Variants in TIPIN observed in about 807,000 individuals in gnomAD.
The protein encoded by TIPIN is TIMELESS interacting protein.
Under a neutral mutation model 35.6 loss-of-function variants are expected in TIPIN, and 29 were observed. The ratio of observed to expected loss-of-function variants is 0.82; its 90% CI spans 0.61 to 1.11. The LOEUF is 1.11. Among genes scored for constraint, TIPIN ranks in the 50% most tolerant of loss-of-function variants. TIPIN has a pLI of 0.00. For missense variants in TIPIN, 296 were observed against 345.4 expected, an observed-to-expected ratio of 0.86 and a Z score of 1.13; for synonymous variants, 102 against 121.5, an observed-to-expected ratio of 0.84 and a Z score of 1.06.
At chr15:66,337,597 C>T (rs1347350750) in intron 7 of TIPIN, among the ~76,000 whole-genome samples, 2 of 151,966 alleles carry the variant, frequency 1.3e-5, no homozygotes, top group East Asian at 3.9e-4. Flanking sequence ...CCTGGGATTA[C>T]AGGCGTGAGC....
At chr15:66,379,907 G>GAA in intron 1 of TIPIN, 1 of 1,525,890 alleles carries the variant, frequency 6.6e-7, no homozygotes. Flanking sequence ...TAATGAGAAT[G>GAA]GTCTTCACTC....
At chr15:66,340,171 CTTTTTTTTTTTTTT>C (rs1213707475) in intron 7 of TIPIN, among the ~76,000 whole-genome samples, 1 of 69,574 alleles carries the variant, frequency 1.4e-5, no homozygotes, top group Non-Finnish European at 2.7e-5. Flanking sequence ...TGCGCCTGGC[CTTTTTTTTTTTTTT>C]TTTTTTTTTG....
chr15:66,358,621 G>A (rs2093217604), upstream of TIPIN, among the ~76,000 whole-genome samples: 1 of 151,996 alleles, frequency 6.6e-6, no homozygotes, highest in East Asian at 1.9e-4. Context: ...TCGCCATGTT[G>A]CCCAGGCTGG....
intron 6 of TIPIN, chr15:66,347,366 T>C (rs780276184): frequency 3.3e-5 from 16 of 478,614 alleles, no homozygotes; most frequent in South Asian, 1.8e-4. Flanking sequence ...AAGTCCTATA[T>C]CCGAGAGCTG....
chr15:66,373,002 T>C (rs2093282998), intron 1 of TIPIN, among the ~76,000 whole-genome samples: 1 of 152,188 alleles, frequency 6.6e-6, no homozygotes, highest in Non-Finnish European at 1.5e-5. Flanking sequence ...CACTATTCAG[T>C]ACAGTAATGT....
chr15:66,383,923 C>G (rs1360857781), intron 1 of TIPIN, among the ~76,000 whole-genome samples: 2 of 152,150 alleles, frequency 1.3e-5, no homozygotes, highest in Non-Finnish European at 2.9e-5. Flanking sequence ...AACCATTTTA[C>G]TATCTATATA....
intron 1 of TIPIN, among the ~76,000 whole-genome samples, chr15:66,362,865 G>C (rs1455230244): frequency 6.6e-6 from 1 of 152,160 alleles, no homozygotes; most frequent in Non-Finnish European, 1.5e-5. Flanking sequence ...TTTATCACTT[G>C]TGTAAGTGCT....
rs576111763 is a variant in TIPIN, at chr15:66,367,136, C to T, written c.-8-14181G>A. Among the ~76,000 whole-genome samples, 116 of 151,438 alleles carry T rather than the reference C, an allele frequency of 7.7e-4. 1 individual carries two copies. Among genetic ancestry groups the T allele is most frequent in the African/African-American group, 2.5e-3 (105 of 41,354 alleles). Reference sequence around the variant, plus strand: ...CAGAGGTTGCAATGAACCAAGATCGCGCCACTGCACTCCAGCCTGGGCAAC... The same window carrying T: ...CAGAGGTTGCAATGAACCAAGATCGTGCCACTGCACTCCAGCCTGGGCAAC... On this transcript the variant is annotated intron_variant, in intron 1 of 7. Transcript: ENST00000562124.
chr15:66,385,355 CACTT>C (rs1484166498), intron 1 of TIPIN, among the ~76,000 whole-genome samples: 2 of 152,172 alleles, frequency 1.3e-5, no homozygotes, highest in African/African-American at 4.8e-5. Flanking sequence ...ATGTCTTTGA[CACTT>C]AGTATTTTAG....
intron 1 of TIPIN, chr15:66,371,107 A>G: frequency 2.4e-6 from 1 of 420,016 alleles, no homozygotes; most frequent in Non-Finnish European, 3.2e-6. Flanking sequence ...GCTACTCGGA[A>G]GGCTGAGGCA....
chr15:66,379,997 TC>T (rs550774708), intron 1 of TIPIN: 732 of 456,932 alleles, frequency 1.6e-3, no homozygotes, highest in Middle Eastern at 2.0e-3. Flanking sequence ...TTTCTTTCTT[TC>T]TTTCTTTTTT....
chr15:66,342,186 CAAAA>C (rs55711983), intron 6 of TIPIN, among the ~76,000 whole-genome samples: 72 of 108,512 alleles, frequency 6.6e-4, no homozygotes, highest in Non-Finnish European at 1.0e-3. Context: ...AAGACTGTCT[CAAAA>C]AAAAAAAAAA....
rs769981626 is a variant in TIPIN at position 66,341,280 on chromosome 15, A to C, written c.552T>G (p.Ser184Arg). ...TACTTAACTCAGAAGCAAACATCTC[A>C]CTTTCAGATAAGTTTGTCAGAAAGG... ...LDPFLTNLSE[S>R]EMFASELSRS... Residue 184 changes from serine (S) to arginine (R), a missense_variant, in exon 7 of 8, where the codon AGT becomes AGG. Coordinates refer to ENST00000261881, the MANE Select transcript of TIPIN (RefSeq NM_017858.3). 4 of 1,613,912 alleles carry C rather than the reference A, an allele frequency of 2.5e-6. No homozygotes were observed. In the South Asian group the frequency reaches 4.4e-5, roughly 18 times the overall value.
chr15:66,339,981 T>A (rs1224458004), intron 7 of TIPIN, among the ~76,000 whole-genome samples: 1 of 151,368 alleles, frequency 6.6e-6, no homozygotes, highest in African/African-American at 2.4e-5. Flanking sequence ...GCGATTCTCC[T>A]GCCTCAGCCT....
intron 1 of TIPIN, among the ~76,000 whole-genome samples, chr15:66,354,639 T>C (rs544596205): frequency 6.6e-6 from 1 of 152,326 alleles, no homozygotes; most frequent in South Asian, 2.1e-4. Flanking sequence ...ATCCAGCCTC[T>C]TACTACCTCA....
intron 1 of TIPIN, among the ~76,000 whole-genome samples, chr15:66,377,337 ATCT>A (rs1481996106): frequency 6.6e-6 from 1 of 151,956 alleles, no homozygotes; most frequent in Non-Finnish European, 1.5e-5. Flanking sequence ...ATGAATGATG[ATCT>A]TCTTTTAATT....
intron 5 of TIPIN, 54 bp from the exon 6 acceptor site, chr15:66,349,177 G>A (rs62627303): frequency 2.5e-6 from 4 of 1,597,140 alleles, no homozygotes; most frequent in East Asian, 2.2e-5. Flanking sequence ...CATGTTGGGG[G>A]GAGATAATTT....
At chr15:66,353,615 CAA>C (rs761338015) in intron 1 of TIPIN, among the ~76,000 whole-genome samples, 14 of 99,844 alleles carry the variant, frequency 1.4e-4, no homozygotes, top group Non-Finnish European at 1.3e-4. Context: ...CACTCTGTCT[CAA>C]AAAAAAAAAA....
At chr15:66,341,436 G>A in intron 6 of TIPIN, 80 bp from the exon 7 acceptor site, 2 of 1,342,542 alleles carry the variant, frequency 1.5e-6, no homozygotes, top group South Asian at 1.4e-5. Flanking sequence ...AATTTAAAGT[G>A]GCAAGGTGAC....
Sources: gnomAD v4.1 joint callset for allele counts (sites outside exome capture counted in the v4.1 genomes callset) on GRCh38, gnomAD v4.1.1 for gene constraint, MANE v1.5 for transcripts, NCBI Gene and HGNC (gene_info 2026-07-23, HGNC 2026-07-21) for gene names.